Variants in ADARB2 observed in about 807,000 individuals in gnomAD.
ADARB2 encodes adenosine deaminase RNA specific B2 (inactive), also known as inactive double-stranded RNA-specific editase B2.
A neutral mutation model predicts 62.2 loss-of-function variants in ADARB2; 25 were observed. The ratio of observed to expected loss-of-function variants is 0.40; its 90% CI spans 0.29 to 0.56. The LOEUF (loss-of-function observed/expected upper bound fraction) is 0.56. Among genes scored for constraint, ADARB2 ranks in the 20% least tolerant of loss-of-function variants. ADARB2 has a pLI of 0.43. For synonymous variants in ADARB2, 572 were observed against 500.8 expected (o/e 1.14, Z -1.90); for missense variants, 1,071 against 1,077.4 (o/e 0.99, Z 0.08).
chr10:1,232,464 CAT>C (rs984498489), intron 6 of ADARB2, among the ~76,000 whole-genome samples: 1 of 145,774 alleles, frequency 6.9e-6, no homozygotes. Flanking sequence ...GCATGTATGG[CAT>C]ATATGGCATG....
chr10:1,529,364 C>A (rs1261595678), intron 1 of ADARB2, among the ~76,000 whole-genome samples: 3 of 152,222 alleles, frequency 2.0e-5, no homozygotes, highest in Non-Finnish European at 2.9e-5. Context: ...TCAGTCCATG[C>A]ACCATGCCCA....
chr10:1,677,425 G>C lies in ADARB2; in HGVS notation c.100+59626C>G, dbSNP rs944384199. 7.2e-5 allele frequency among the ~76,000 whole-genome samples: 11 copies of C among 152,166 alleles called. No homozygotes were observed. In the South Asian group the frequency reaches 1.2e-3, roughly 17 times the overall value. The stretch of plus-strand genomic sequence containing the variant: ...GGGCTGGGCTGGTGCTGCCTGGTTG[G>C]GCGGAGGTGAACATCTGCCCAGGAA... On this transcript the variant is annotated intron_variant, in intron 1 of 9. Coordinates refer to ENST00000381312, the MANE Select transcript of ADARB2 (RefSeq NM_018702.4).
intron 1 of ADARB2, among the ~76,000 whole-genome samples, chr10:1,380,021 AG>A (rs775268878): frequency 2.6e-5 from 4 of 152,332 alleles, no homozygotes; most frequent in Admixed American, 6.5e-5. Flanking sequence ...CCAAAAGAAA[AG>A]CTCCTTAATT....
intron 1 of ADARB2, among the ~76,000 whole-genome samples, chr10:1,481,493 ATC>A (rs1474641787): frequency 3.9e-5 from 6 of 152,244 alleles, no homozygotes; most frequent in African/African-American, 1.4e-4. Flanking sequence ...AAAGGACACC[ATC>A]AAGGGAGTGA....
chr10:1,287,518 C>T (rs571163818), intron 3 of ADARB2, among the ~76,000 whole-genome samples: 25 of 152,270 alleles, frequency 1.6e-4, no homozygotes, highest in Middle Eastern at 3.4e-3. Flanking sequence ...CGTGCTCTGA[C>T]GGACATCCTA....
chr10:1,414,323 A>C (rs1832783998), intron 1 of ADARB2, among the ~76,000 whole-genome samples: 1 of 152,194 alleles, frequency 6.6e-6, no homozygotes, highest in Admixed American at 6.5e-5. Flanking sequence ...CAGGGTCTAA[A>C]ACCCCTTGTG....
intron 1 of ADARB2, among the ~76,000 whole-genome samples, chr10:1,451,003 G>T (rs1019061030): frequency 1.3e-5 from 2 of 152,202 alleles, no homozygotes; most frequent in African/African-American, 4.8e-5. Flanking sequence ...AGAGGGAGCT[G>T]ATGGTGTCTG....
rs375639528 is a variant in ADARB2, at chr10:1,542,230, T to C, written c.101-163070A>G. Among the ~76,000 whole-genome samples the C allele has an allele frequency of 4.6e-4, 4 of 8,748 alleles. No individual in the cohort carries two copies. In the Admixed American group the frequency reaches 4.6e-3, roughly 10 times the overall value. 5.7% of individuals were successfully genotyped at this position (8,748 alleles called of 152,430 possible). A position where few individuals can be genotyped will look rare whatever the true frequency, so the allele number is the denominator to read the frequency against. The stretch of plus-strand genomic sequence containing the variant: ...TAGTTCAGACCCTGGATCACAGCCG[T>C]CCAGACCCCACTCAGACGCAGTTCA... On this transcript the variant is annotated intron_variant, in intron 1 of 9. Coordinates refer to ENST00000381312, the MANE Select transcript of ADARB2 (RefSeq NM_018702.4).
At chr10:1,567,876 A>G (rs368712822) in intron 1 of ADARB2, among the ~76,000 whole-genome samples, 4 of 152,310 alleles carry the variant, frequency 2.6e-5, no homozygotes, top group South Asian at 4.1e-4. Flanking sequence ...TAGCAGCCAG[A>G]CAGGCCCGGG....
At chr10:1,571,385 C>T (rs1324646503) in intron 1 of ADARB2, among the ~76,000 whole-genome samples, 2 of 151,720 alleles carry the variant, frequency 1.3e-5, no homozygotes, top group Non-Finnish European at 2.9e-5. Context: ...TTATTTCAAT[C>T]ATGTTTGTGT....
intron 1 of ADARB2, among the ~76,000 whole-genome samples, chr10:1,402,687 T>A (rs1351833593): frequency 6.6e-6 from 1 of 152,016 alleles, no homozygotes; most frequent in African/African-American, 2.4e-5. Context: ...AGAGGAAGCC[T>A]CCTCCCTGGG....
intron 1 of ADARB2, among the ~76,000 whole-genome samples, chr10:1,681,002 T>G (rs754210916): frequency 1.2e-4 from 18 of 152,186 alleles, no homozygotes; most frequent in Admixed American, 2.6e-4. Flanking sequence ...GATGTGTGTC[T>G]ATAAACAAGG....
In ADARB2 at chr10:1,521,118, G is replaced by A. The variant is rs193229673; in HGVS notation, c.101-141958C>T. On this transcript the variant is annotated intron_variant, in intron 1 of 9. Transcript: ENST00000381312. The stretch of plus-strand genomic sequence containing the variant: ...TCCCATGTGCTCAGCAAGTACAGGC[G>A]GCCCGGAGTCGGGTGAGGTGGCTGT... Among the ~76,000 whole-genome samples, 102 of 152,248 alleles carry A rather than the reference G, an allele frequency of 6.7e-4. 1 individual carries two copies. In the South Asian group the frequency reaches 0.018, roughly 26 times the overall value.
In ADARB2 at chr10:1,687,029, C is replaced by CTTTTTTTTTTTTTTTTTTTTTTTTTT. The variant is rs397952487; in HGVS notation, c.100+50021_100+50022insAAAAAAAAAAAAAAAAAAAAAAAAAA. 1.6e-5 allele frequency among the ~76,000 whole-genome samples: 2 copies of CTTTTTTTTTTTTTTTTTTTTTTTTTT among 129,004 alleles called. 1 individual carries two copies. Among genetic ancestry groups the CTTTTTTTTTTTTTTTTTTTTTTTTTT allele is most frequent in the Non-Finnish European group, 3.2e-5 (2 of 61,972 alleles). The allele number at this position is 129,004 out of a possible 152,430, so 84.6% of individuals were successfully genotyped here. ...TGCCTCCCATGGGTCATGACATTGC[C>CTTTTTTTTTTTTTTTTTTTTTTTTTT]TTTTTTTTTTTTTTTTTTGACAAGT... On this transcript the variant is annotated intron_variant, in intron 1 of 9. Coordinates refer to ENST00000381312, the MANE Select transcript of ADARB2 (RefSeq NM_018702.4).
chr10:1,457,418 G>A (rs547784886), intron 1 of ADARB2, among the ~76,000 whole-genome samples: 15 of 152,134 alleles, frequency 9.9e-5, no homozygotes, highest in African/African-American at 2.9e-4. Flanking sequence ...ATGCTCCTGG[G>A]GCCAGGCTTC....
At chr10:1,585,471 C>A (rs962666849) in intron 1 of ADARB2, among the ~76,000 whole-genome samples, 2 of 152,146 alleles carry the variant, frequency 1.3e-5, no homozygotes, top group African/African-American at 4.8e-5. Flanking sequence ...TCAAAGTCAT[C>A]CCCCTGTGCA....
At chr10:1,669,828 AG>A (rs1161842827) in intron 1 of ADARB2, among the ~76,000 whole-genome samples, 1 of 151,782 alleles carries the variant, frequency 6.6e-6, no homozygotes, top group Non-Finnish European at 1.5e-5. Flanking sequence ...ATAGACTCAC[AG>A]ACACACAAAC....
chr10:1,485,214 A>G (rs1831525233), intron 1 of ADARB2, among the ~76,000 whole-genome samples: 1 of 151,896 alleles, frequency 6.6e-6, no homozygotes, highest in South Asian at 2.1e-4. Flanking sequence ...CTGTAGGTGT[A>G]CTTGGAGGTA....
chr10:1,440,637 G>A (rs141260027), intron 1 of ADARB2, among the ~76,000 whole-genome samples: 17 of 152,202 alleles, frequency 1.1e-4, no homozygotes, highest in Admixed American at 7.2e-4. Context: ...GGTCTGTACC[G>A]GTTTCCTGAA....
Sources: allele counts gnomAD v4.1 joint callset (sites outside exome capture counted in the v4.1 genomes callset), GRCh38; gene constraint gnomAD v4.1.1; transcripts MANE v1.5; gene names NCBI Gene and HGNC (gene_info 2026-07-23, HGNC 2026-07-21).